The following TM2D1 variants were observed in gnomAD, a reference collection of about 807,000 sequenced individuals.
The protein encoded by TM2D1 is TM2 domain-containing protein 1.
TM2D1 carries 15 observed loss-of-function variants against 28.4 expected under a neutral mutation model. The ratio of observed to expected loss-of-function variants is 0.53; its 90% CI spans 0.35 to 0.81. The LOEUF (loss-of-function observed/expected upper bound fraction) is 0.81, where lower values mean the gene tolerates loss of function less well. Ranked by LOEUF, TM2D1 falls within the 40% of genes least tolerant of loss-of-function variation. The pLI, the probability that TM2D1 is intolerant of heterozygous loss-of-function variation, is 0.01. For synonymous variants in TM2D1, 93 were observed against 96.2 expected (o/e 0.97, Z 0.20); for missense variants, 236 against 254.9 (o/e 0.93, Z 0.50).
chr1:61,709,149 A>C (rs968245583), intron 3 of TM2D1, among the ~76,000 whole-genome samples, 180 bp downstream of exon 3: 1 of 152,182 alleles, frequency 6.6e-6, no homozygotes, highest in Non-Finnish European at 1.5e-5. Context: ...TGAGTGACTA[A>C]GCAAGACCTT....
At chr1:61,716,941 G>C (rs1413349306) in intron 2 of TM2D1, among the ~76,000 whole-genome samples, 1 of 151,938 alleles carries the variant, frequency 6.6e-6, no homozygotes, top group Non-Finnish European at 1.5e-5. Flanking sequence ...CTAAATCCTA[G>C]ACTAAAACTC....
chr1:61,700,086 G>C, intron 4 of TM2D1: 1 of 1,429,176 alleles, frequency 7.0e-7, no homozygotes, highest in Non-Finnish European at 9.1e-7. Context: ...AATAAAGCAT[G>C]ATCTCTGGAG....
intron 4 of TM2D1, 104 bp from the exon 5 acceptor site, chr1:61,694,874 T>C: frequency 2.0e-6 from 1 of 510,156 alleles, no homozygotes; most frequent in Non-Finnish European, 3.3e-6. Flanking sequence ...TATCACACTC[T>C]TTATATCAAG....
In TM2D1 at chr1:61,706,440, C is replaced by T. The variant is rs549170470; in HGVS notation, c.347+2889G>A. Reference sequence around the variant, plus strand: ...CTCAAACTCCTGAGCTCAAGCAATCCGCCTGCCTTGGCCTCCCAAAGTGCT... The same window carrying T: ...CTCAAACTCCTGAGCTCAAGCAATCTGCCTGCCTTGGCCTCCCAAAGTGCT... On this transcript the variant is annotated intron_variant, in intron 3 of 6. Transcript: ENST00000606498. Among the ~76,000 whole-genome samples the T allele has an allele frequency of 9.9e-5, 15 of 152,046 alleles. No individual in the cohort carries two copies. In the South Asian group the frequency reaches 2.5e-3, roughly 25 times the overall value.
chr1:61,698,903 T>G (rs2148046422), intron 4 of TM2D1: 1 of 152,206 alleles, frequency 6.6e-6, no homozygotes, highest in Non-Finnish European at 1.5e-5. Flanking sequence ...AATTTTAGAT[T>G]TTGTCTATAA....
chr1:61,703,260 T>C (rs1279389789), intron 3 of TM2D1, among the ~76,000 whole-genome samples: 1 of 147,678 alleles, frequency 6.8e-6, no homozygotes, highest in African/African-American at 2.5e-5. Context: ...CTAAAATATA[T>C]AATTATATTT....
intron 4 of TM2D1, chr1:61,698,552 C>G (rs1363785532): frequency 7.5e-6 from 1 of 133,420 alleles, no homozygotes. Flanking sequence ...GAGTGAAACT[C>G]CGCCTAAAAA....
At chr1:61,706,160 C>A (rs1429669731) in intron 3 of TM2D1, among the ~76,000 whole-genome samples, 1 of 152,096 alleles carries the variant, frequency 6.6e-6, no homozygotes, top group Non-Finnish European at 1.5e-5. Context: ...TCAAAATTAC[C>A]CATCAGTCTA....
intron 2 of TM2D1, among the ~76,000 whole-genome samples, chr1:61,714,813 C>T (rs1000953980): frequency 2.0e-5 from 3 of 152,134 alleles, no homozygotes; most frequent in Non-Finnish European, 4.4e-5. Flanking sequence ...ATTTCGGCCT[C>T]CCAAAGGTGT....
Position 61,710,776 on chromosome 1 carries a change from G to A in TM2D1, c.239-1339C>T, listed in dbSNP as rs1472700741. On this transcript the variant is annotated intron_variant, in intron 2 of 6. Transcript: ENST00000606498. Reference sequence around the variant, plus strand: ...AGAGTTTGATTAGGAAAGAAAGATAGTATTTTCTATCATTTATAATTATCC... The same window carrying A: ...AGAGTTTGATTAGGAAAGAAAGATAATATTTTCTATCATTTATAATTATCC... Among the ~76,000 whole-genome samples the A allele has an allele frequency of 2.0e-5, 3 of 151,898 alleles. No homozygotes were observed. The East Asian group carries it at 5.8e-4, about 29-fold the overall frequency.
At chr1:61,683,349 A>T (rs183301456) in intron 6 of TM2D1, 68 bp downstream of exon 6, 1 of 527,158 alleles carries the variant, frequency 1.9e-6, no homozygotes, top group Admixed American at 4.5e-5. Context: ...TATGGTCCTA[A>T]AATTCTCATA....
chr1:61,689,408 T>G (rs1151759), intron 5 of TM2D1, among the ~76,000 whole-genome samples: 52,669 of 151,974 alleles, frequency 0.35, 11,035 homozygotes, highest in African/African-American at 0.6. Context: ...CTGTTGCTCA[T>G]GCTAGAGTGT....
chr1:61,682,253 G>A (rs1258450456), intron 6 of TM2D1, among the ~76,000 whole-genome samples: 1 of 152,116 alleles, frequency 6.6e-6, no homozygotes, highest in African/African-American at 2.4e-5. Flanking sequence ...CCTAGAACAA[G>A]GATAATGGTT....
chr1:61,700,274 C>G (rs1258905854), intron 4 of TM2D1: 4 of 1,491,992 alleles, frequency 2.7e-6, no homozygotes, highest in Non-Finnish European at 2.7e-6. Flanking sequence ...AGTTTCCTTA[C>G]CTGTTAAAGA....
At chr1:61,721,433 T>G (rs568327431) in intron 2 of TM2D1, among the ~76,000 whole-genome samples, 12 of 151,532 alleles carry the variant, frequency 7.9e-5, no homozygotes, top group African/African-American at 2.4e-4. Flanking sequence ...TCCCAGCTAC[T>G]TGGGAGGCTG....
At chr1:61,697,836 G>T (rs1644375015) in intron 4 of TM2D1, 1 of 151,986 alleles carries the variant, frequency 6.6e-6, no homozygotes, top group South Asian at 2.1e-4. Context: ...CTGTTCTCTA[G>T]TTTCCTTAAA....
chr1:61,711,571 T>G (rs982560643), intron 2 of TM2D1, among the ~76,000 whole-genome samples: 2 of 149,138 alleles, frequency 1.3e-5, no homozygotes, highest in African/African-American at 2.5e-5. Flanking sequence ...AAGGCTGCAG[T>G]GAGCTGTGAT....
chr1:61,715,645 C>CAAAAAAAAAAAAAAAAAA (rs759796747), intron 2 of TM2D1, among the ~76,000 whole-genome samples: 2 of 16,424 alleles, frequency 1.2e-4, no homozygotes, highest in Non-Finnish European at 1.3e-4. Flanking sequence ...AAGACTGTCT[C>CAAAAAAAAAAAAAAAAAA]AAAAAAAAAA....
rs773048546 is a variant in TM2D1, at chr1:61,725,008, G to T, written c.113C>A (p.Thr38Asn). 12 of 1,610,816 alleles carry T rather than the reference G, an allele frequency of 7.4e-6. No individual in the cohort carries two copies. Among genetic ancestry groups the T allele is most frequent in the Non-Finnish European group, 1.0e-5 (12 of 1,177,340 alleles). The change falls in exon 1 of 7, where the codon ACC becomes AAC. Residue 38 changes from threonine to asparagine, a missense_variant. Thr to Asn is a moderately conservative substitution (Grantham distance 65, BLOSUM62 0). Around this residue, in one of 3 missense-constraint regions of TM2D1, gnomAD observed 167 missense variants for 162.7 expected, o/e 1.03. Coordinates refer to ENST00000606498, the MANE Select transcript of TM2D1 (RefSeq NM_032027.3). ...VTTGPWGAVA[T>N]SAGGEESLKC... ...AAGCGACTCCTCGCCCCCGGCGGAG[G>T]TGGCAACAGCCCCCCAGGGTCCTGT...
Sources: gnomAD v4.1 joint callset for allele counts (sites outside exome capture counted in the v4.1 genomes callset) on GRCh38, gnomAD v4.1.1 for gene constraint, gnomAD v4.1.1 regional missense constraint, MANE v1.5 for transcripts, NCBI Gene and HGNC (gene_info 2026-07-23, HGNC 2026-07-21) for gene names.